PTPRM: variants seen among roughly 807,000 people sequenced by gnomAD.
The protein encoded by PTPRM is protein tyrosine phosphatase receptor type M.
A neutral mutation model predicts 186.7 loss-of-function variants in PTPRM; 47 were observed. The ratio of observed to expected loss-of-function variants is 0.25; its 90% CI spans 0.20 to 0.32. The LOEUF (loss-of-function observed/expected upper bound fraction) is 0.32. Ranked by LOEUF, PTPRM falls within the 10% of genes least tolerant of loss-of-function variation. The pLI is 1.00. For missense variants in PTPRM, 1,494 were observed against 1,865.0 expected (o/e 0.80, Z 3.66); for synonymous variants, 668 against 674.9 (o/e 0.99, Z 0.16).
Position 8,126,006 on chromosome 18 carries a change from TATATATATA to T in PTPRM, c.2167+11180_2167+11188del, listed in dbSNP as rs1488261908. On this transcript the variant is annotated intron_variant, in intron 13 of 32. Transcript: ENST00000580170. ...ATATATATATATATATATATATATA[TATATATATA>T]TATATATATATATTTTAAATCAGTA... is the stretch of plus-strand genomic sequence containing the variant. Among the ~76,000 whole-genome samples, 195 of 23,936 alleles carry T rather than the reference TATATATATA, an allele frequency of 8.1e-3. 8 individuals are homozygous for T. The highest frequency in any genetic ancestry group is 0.017 in the African/African-American group (159 of 9,270). 15.7% of individuals were successfully genotyped at this position (23,936 alleles called of 152,430 possible). A position where few individuals can be genotyped will look rare whatever the true frequency, so the allele number is the denominator to read the frequency against.
rs74456712 is a variant in PTPRM, at chr18:7,694,376, T to C, written c.74-79773T>C. On this transcript the variant is annotated intron_variant, in intron 1 of 32. Coordinates refer to ENST00000580170, the MANE Select transcript of PTPRM (RefSeq NM_001105244.2). ...TGAACATACTGCCTTTGAATTTGAT[T>C]AGGTGTAGACAGTCAATAGTAGGAA... Among the ~76,000 whole-genome samples, 153 of 152,044 alleles carry C rather than the reference T, an allele frequency of 1.0e-3. No individual in the cohort carries two copies. In the East Asian group the frequency reaches 0.02, roughly 20 times the overall value.
intron 7 of PTPRM, among the ~76,000 whole-genome samples, chr18:8,052,126 C>T (rs1161964553): frequency 1.3e-5 from 2 of 152,034 alleles, no homozygotes; most frequent in Admixed American, 6.5e-5. Flanking sequence ...AGCTTCCAGG[C>T]GATGCTGCTG....
chr18:8,200,281 G>A (rs903726838), intron 14 of PTPRM, among the ~76,000 whole-genome samples: 44 of 152,260 alleles, frequency 2.9e-4, no homozygotes, highest in African/African-American at 3.1e-4. Flanking sequence ...TGCCCCCACC[G>A]AGACCCAGGT....
At chr18:7,850,039 T>A (rs2046789759) in intron 2 of PTPRM, among the ~76,000 whole-genome samples, 1 of 152,202 alleles carries the variant, frequency 6.6e-6, no homozygotes, top group Non-Finnish European at 1.5e-5. Flanking sequence ...TTTACAATCA[T>A]GAAATGGATG....
At chr18:8,237,610 G>A (rs577062335) in intron 14 of PTPRM, among the ~76,000 whole-genome samples, 12 of 151,774 alleles carry the variant, frequency 7.9e-5, no homozygotes, top group East Asian at 1.9e-4. Flanking sequence ...CACCATGCCC[G>A]GCTAATTGTA....
intron 1 of PTPRM, among the ~76,000 whole-genome samples, chr18:7,682,438 T>C (rs977034905): frequency 6.6e-6 from 1 of 152,222 alleles, no homozygotes; most frequent in African/African-American, 2.4e-5. Context: ...GAAGAAAGCC[T>C]CTAGCATCTT....
At chr18:8,251,413 T>TACTTCAGCA (rs1216899329) in intron 17 of PTPRM, among the ~76,000 whole-genome samples, 2 of 152,322 alleles carry the variant, frequency 1.3e-5, no homozygotes, top group Non-Finnish European at 1.5e-5. Context: ...AGGGATTCGG[T>TACTTCAGCA]ACTTCAGCAG....
Position 8,406,384 on chromosome 18 carries a change from T to C in PTPRM, c.*222T>C. 7.4e-6 allele frequency: 4 copies of C among 542,298 alleles called. No individual in the cohort carries two copies. The East Asian group carries it at 1.3e-4, about 17-fold the overall frequency. 33.6% of individuals were successfully genotyped at this position (542,298 alleles called of 1,614,324 possible). On this transcript the variant is annotated 3_prime_UTR_variant, in exon 33 of 33. Transcript: ENST00000580170. Reference sequence around the variant, plus strand: ...CACACACACAGCCACAGTTGCCAAATCCCGTACTCCTTGCCACCGGCTTCC... The same window carrying C: ...CACACACACAGCCACAGTTGCCAAACCCCGTACTCCTTGCCACCGGCTTCC...
intron 17 of PTPRM, 163 bp downstream of exon 17, chr18:8,248,339 C>A (rs1006330253): frequency 6.6e-6 from 5 of 756,544 alleles, no homozygotes; most frequent in African/African-American, 1.7e-5. Flanking sequence ...GAAAAAGAGA[C>A]TTTTCTCTAA....
chr18:8,113,086 T>TAAAG (rs2091826782), intron 11 of PTPRM, among the ~76,000 whole-genome samples: 1 of 152,242 alleles, frequency 6.6e-6, no homozygotes, highest in African/African-American at 2.4e-5. Context: ...CATTGCTTTT[T>TAAAG]AAAATAAACT....
chr18:8,040,248 A>G (rs1048430872), intron 7 of PTPRM, among the ~76,000 whole-genome samples: 2 of 152,190 alleles, frequency 1.3e-5, no homozygotes, highest in Non-Finnish European at 2.9e-5. Context: ...GCAGCCAAGC[A>G]TGAAGCCTGT....
rs1163132686 is a variant in PTPRM at position 8,181,521 on chromosome 18, G to A, written c.2300+37742G>A. ...ATCCTGAGACTGAGGGGCGAAAAAG[G>A]AAATGAGCCTGAACCAGACTCCACG... is the stretch of plus-strand genomic sequence containing the variant. On this transcript the variant is annotated intron_variant, in intron 14 of 32. Transcript: ENST00000580170. 3.9e-5 allele frequency among the ~76,000 whole-genome samples: 6 copies of A among 152,204 alleles called. No individual in the cohort carries two copies. The South Asian group carries it at 1.0e-3, about 26-fold the overall frequency.
intron 29 of PTPRM, among the ~76,000 whole-genome samples, chr18:8,383,296 CAAAAAAAAAAAAAAAAAA>C (rs59442781): frequency 1.0e-3 from 31 of 30,432 alleles, no homozygotes; most frequent in Middle Eastern, 0.038. Flanking sequence ...GCTTCTGCCT[CAAAAAAAAAAAAAAAAAA>C]AAAAAAAAAA....
chr18:7,603,014 A>G (rs2037444719), intron 1 of PTPRM, among the ~76,000 whole-genome samples: 1 of 150,534 alleles, frequency 6.6e-6, no homozygotes, highest in Non-Finnish European at 1.5e-5. Context: ...TACAAGCTCC[A>G]CCTCCTGGGT....
At chr18:8,141,154 A>T (rs1163160849) in intron 13 of PTPRM, among the ~76,000 whole-genome samples, 1 of 152,148 alleles carries the variant, frequency 6.6e-6, no homozygotes, top group African/African-American at 2.4e-5. Flanking sequence ...GAAAGCAGGA[A>T]CTTCCTGGGC....
At chr18:8,378,841 C>A (rs1382400894) in intron 27 of PTPRM, among the ~76,000 whole-genome samples, 1 of 152,118 alleles carries the variant, frequency 6.6e-6, no homozygotes, top group South Asian at 2.1e-4. Flanking sequence ...CAGATGTACC[C>A]GAGTCAAGGC....
intron 22 of PTPRM, among the ~76,000 whole-genome samples, chr18:8,327,370 A>G (rs180813033): frequency 1.8e-3 from 275 of 152,382 alleles, no homozygotes; most frequent in Non-Finnish European, 2.7e-3. Context: ...TGCCAAGGTC[A>G]GGCAGGGGCA....
chr18:7,720,375 A>G (rs533758826), intron 1 of PTPRM, among the ~76,000 whole-genome samples: 2 of 152,166 alleles, frequency 1.3e-5, no homozygotes, highest in East Asian at 3.9e-4. Context: ...AGAGAAAAAA[A>G]ATCAGGACAT....
chr18:7,633,114 T>C (rs142447010), intron 1 of PTPRM, among the ~76,000 whole-genome samples: 15 of 152,258 alleles, frequency 9.9e-5, no homozygotes, highest in African/African-American at 3.6e-4. Context: ...CATTTCAGAG[T>C]GCCATGTGCA....
Sources: gnomAD v4.1 joint callset for allele counts (sites outside exome capture counted in the v4.1 genomes callset) on GRCh38, gnomAD v4.1.1 for gene constraint, MANE v1.5 for transcripts, NCBI Gene and HGNC (gene_info 2026-07-23, HGNC 2026-07-21) for gene names.